Variants in SUPT3H observed in about 807,000 individuals in gnomAD.
SUPT3H encodes transcription initiation protein SPT3 homolog.
A neutral mutation model predicts 44.3 loss-of-function variants in SUPT3H; 44 were observed. The observed-to-expected ratio is 0.99, with a 90% CI of 0.78 to 1.28. The LOEUF (loss-of-function observed/expected upper bound fraction) is 1.28, where lower values mean the gene tolerates loss of function less well. Among genes scored for constraint, SUPT3H ranks in the 50% most tolerant of loss-of-function variants. The pLI is 0.00. For synonymous variants in SUPT3H, 124 were observed against 125.6 expected (o/e 0.99, Z 0.09); for missense variants, 380 against 387.1 (o/e 0.98, Z 0.15).
chr6:44,914,582 C>G (rs892038167), intron 10 of SUPT3H, among the ~76,000 whole-genome samples: 2 of 152,138 alleles, frequency 1.3e-5, no homozygotes, highest in Non-Finnish European at 2.9e-5. Context: ...TTTGGCTGCC[C>G]TGCAGTTACC....
At chr6:44,818,993 G>A (rs909449611) in intron 11 of SUPT3H, among the ~76,000 whole-genome samples, 1 of 152,120 alleles carries the variant, frequency 6.6e-6, no homozygotes, top group Admixed American at 6.5e-5. Flanking sequence ...AAATGAACAC[G>A]TGAGTCCACA....
At chr6:45,158,687 G>C (rs548462597) in intron 2 of SUPT3H, among the ~76,000 whole-genome samples, 1 of 152,146 alleles carries the variant, frequency 6.6e-6, no homozygotes, top group African/African-American at 2.4e-5. Context: ...GTATAGGAAT[G>C]GCTTCCAGAA....
At chr6:44,811,028 A>G (rs1399288095) in intron 11 of SUPT3H, among the ~76,000 whole-genome samples, 1 of 152,228 alleles carries the variant, frequency 6.6e-6, no homozygotes, top group East Asian at 1.9e-4. Context: ...ATTATGATAC[A>G]TTTGTCACAA....
chr6:45,181,776 TTAG>T (rs1233141071), intron 2 of SUPT3H, among the ~76,000 whole-genome samples: 1 of 150,490 alleles, frequency 6.6e-6, no homozygotes, highest in African/African-American at 2.4e-5. Context: ...AGATGACGAG[TTAG>T]TGGGTGCAGC....
At chr6:45,002,490 A>T (rs1183958829) in intron 6 of SUPT3H, among the ~76,000 whole-genome samples, 1 of 152,092 alleles carries the variant, frequency 6.6e-6, no homozygotes, top group Non-Finnish European at 1.5e-5. Flanking sequence ...TTTAAAAAAT[A>T]AAGCATAAAC....
intron 2 of SUPT3H, among the ~76,000 whole-genome samples, chr6:45,364,650 A>T (rs915882740): frequency 1.3e-5 from 2 of 152,216 alleles, no homozygotes; most frequent in Admixed American, 1.3e-4. Context: ...ACAGAGCCTT[A>T]AGAAATCTTA....
chr6:45,353,630 G>A (rs1173616998), intron 2 of SUPT3H, among the ~76,000 whole-genome samples: 1 of 151,668 alleles, frequency 6.6e-6, no homozygotes, highest in Non-Finnish European at 1.5e-5. Flanking sequence ...ACAAAACAAT[G>A]GATTAAATAT....
chr6:45,210,800 A>G (rs1041028060), intron 2 of SUPT3H, among the ~76,000 whole-genome samples: 18 of 152,246 alleles, frequency 1.2e-4, no homozygotes, highest in Admixed American at 8.5e-4. Context: ...CAGGCAATCA[A>G]AAAATTCATG....
intron 3 of SUPT3H, among the ~76,000 whole-genome samples, chr6:45,060,456 G>C (rs1791809720): frequency 6.6e-6 from 1 of 151,936 alleles, no homozygotes; most frequent in Non-Finnish European, 1.5e-5. Context: ...ATTCAAGATG[G>C]ATTAAAAACT....
At chr6:45,027,699 T>C (rs1479412471) in intron 3 of SUPT3H, among the ~76,000 whole-genome samples, 1 of 152,226 alleles carries the variant, frequency 6.6e-6, no homozygotes, top group Non-Finnish European at 1.5e-5. Context: ...TACTTGATAT[T>C]ACAGTTTTCT....
At chr6:44,863,444 C>T (rs1774985974) in intron 10 of SUPT3H, among the ~76,000 whole-genome samples, 1 of 151,952 alleles carries the variant, frequency 6.6e-6, no homozygotes, top group Non-Finnish European at 1.5e-5. Flanking sequence ...AGGTCCTGTT[C>T]GTGAAGGTAT....
At chr6:44,847,573 C>T (rs973064622) in intron 10 of SUPT3H, among the ~76,000 whole-genome samples, 5 of 151,560 alleles carry the variant, frequency 3.3e-5, no homozygotes, top group African/African-American at 1.2e-4. Flanking sequence ...CTACAACCTC[C>T]GCCTCCCGGG....
chr6:45,198,837 T>G (rs1816523647), intron 2 of SUPT3H, among the ~76,000 whole-genome samples: 1 of 151,276 alleles, frequency 6.6e-6, no homozygotes, highest in African/African-American at 2.4e-5. Context: ...TTTAAGTAAA[T>G]GTACTAACTT....
At position 45,144,132 on chromosome 6, in the gene SUPT3H, C is replaced by A. The variant is rs552303002; in HGVS notation, c.102-38126G>T. Among the ~76,000 whole-genome samples the A allele has an allele frequency of 3.3e-5, 5 of 152,116 alleles. No homozygotes were observed. The East Asian group carries it at 9.7e-4, about 29-fold the overall frequency. On this transcript the variant is annotated intron_variant, in intron 2 of 10. Transcript: ENST00000371459. ...TATCAGCCATTCAAAGAAGAACTGA[C>A]GCCACTTAGTGAAACTATTCCAAAA...
chr6:44,974,661 A>G (rs1250936968), intron 6 of SUPT3H, among the ~76,000 whole-genome samples: 1 of 152,174 alleles, frequency 6.6e-6, no homozygotes, highest in African/African-American at 2.4e-5. Context: ...ATGCTGTGTC[A>G]TTTCTATCAA....
intron 10 of SUPT3H, among the ~76,000 whole-genome samples, chr6:44,850,616 A>G (rs999410926): frequency 3.9e-5 from 6 of 152,210 alleles, no homozygotes; most frequent in African/African-American, 1.2e-4. Flanking sequence ...CAAGACAAAA[A>G]CATTCTCAAA....
At chr6:45,067,176 G>C (rs1793499021) in intron 3 of SUPT3H, among the ~76,000 whole-genome samples, 1 of 142,590 alleles carries the variant, frequency 7.0e-6, no homozygotes, top group Admixed American at 7.2e-5. Context: ...ACAACTATCT[G>C]ATCTTTGACA....
At chr6:45,285,121 C>A (rs1299133717) in intron 2 of SUPT3H, among the ~76,000 whole-genome samples, 2 of 151,214 alleles carry the variant, frequency 1.3e-5, no homozygotes, top group African/African-American at 4.9e-5. Context: ...CTATGACAAA[C>A]CCACAGCCAA....
chr6:45,143,261 A>G (rs1805535451), intron 2 of SUPT3H, among the ~76,000 whole-genome samples: 1 of 152,158 alleles, frequency 6.6e-6, no homozygotes, highest in Admixed American at 6.6e-5. Flanking sequence ...CATTCTTTTC[A>G]TCAGCACATG....
Sources: allele counts gnomAD v4.1 joint callset (sites outside exome capture counted in the v4.1 genomes callset), GRCh38; gene constraint gnomAD v4.1.1; transcripts MANE v1.5; gene names NCBI Gene and HGNC (gene_info 2026-07-23, HGNC 2026-07-21).